The following FTCDNL1 variants were observed in gnomAD, a reference collection of about 807,000 sequenced individuals.
FTCDNL1 encodes formiminotransferase cyclodeaminase N-terminal like, also known as formiminotransferase N-terminal subdomain-containing protein.
In FTCDNL1, 11 loss-of-function variants were observed where a neutral mutation model predicts 5.9. That is an observed-to-expected ratio of 1.87 (90% CI 1.18 to 3.10). The LOEUF is 3.10. Among genes scored for constraint, FTCDNL1 ranks in the 30% most tolerant of loss-of-function variants. The pLI, the probability that FTCDNL1 is intolerant of heterozygous loss-of-function variation, is 0.00. For synonymous variants in FTCDNL1, 58 were observed against 24.8 expected (o/e 2.34, Z -3.99); for missense variants, 115 against 65.5 (o/e 1.76, Z -2.61).
rs74736255 is a variant in FTCDNL1, at chr2:199,800,869, A to G, written c.212-40034T>C. Among the ~76,000 whole-genome samples, 595 of 152,352 alleles carry G rather than the reference A, an allele frequency of 3.9e-3. 4 individuals are homozygous for G. The highest frequency in any genetic ancestry group is 0.014 in the African/African-American group (565 of 41,594). On this transcript the variant is annotated intron_variant, in intron 3 of 3. Coordinates refer to the FTCDNL1 transcript ENST00000416668. ...CTGTTTCCTATGATTATCACAAAAA[A>G]TGAAATAATCTGGTGTCCTTATAAT... is the stretch of plus-strand genomic sequence containing the variant.
chr2:199,811,009 G>A lies in FTCDNL1; in HGVS notation c.*1696C>T, dbSNP rs181795050. Among the ~76,000 whole-genome samples, 15 of 152,172 alleles carry A rather than the reference G, an allele frequency of 9.9e-5. No homozygotes were observed. The highest frequency in any genetic ancestry group is 1.9e-4 in the East Asian group (1 of 5,186). The stretch of plus-strand genomic sequence containing the variant: ...GATGTTTTACAGAAAATCAGCACAC[G>A]GAAACCACATTTCATCTTTTTCCCA... On this transcript the variant is annotated 3_prime_UTR_variant, in exon 5 of 5. Coordinates refer to ENST00000420128, the MANE Select transcript of FTCDNL1 (RefSeq NM_001363886.2).
At chr2:199,805,670 C>T (rs766040407), downstream of FTCDNL1, among the ~76,000 whole-genome samples, 2 of 152,002 alleles carry the variant, frequency 1.3e-5, no homozygotes, top group Non-Finnish European at 2.9e-5. Flanking sequence ...ACCCAAGAGA[C>T]GAAGGTTGCA....
the FTCDNL1 span, among the ~76,000 whole-genome samples, chr2:199,683,366 C>T: frequency 6.6e-6 from 1 of 152,124 alleles, no homozygotes; most frequent in Non-Finnish European, 1.5e-5. Flanking sequence ...ACTGCTTACA[C>T]ATGCTACAAA....
At chr2:199,676,532 A>C in the FTCDNL1 span, among the ~76,000 whole-genome samples, 1 of 151,986 alleles carries the variant, frequency 6.6e-6, no homozygotes, top group African/African-American at 2.4e-5. Flanking sequence ...ATTTACACTT[A>C]TTTATCAATA....
chr2:199,693,010 G>C, the FTCDNL1 span, among the ~76,000 whole-genome samples: 1 of 152,090 alleles, frequency 6.6e-6, no homozygotes, highest in Non-Finnish European at 1.5e-5. Flanking sequence ...TTTGTATTAG[G>C]GTCTGAACCA....
downstream of FTCDNL1, among the ~76,000 whole-genome samples, chr2:199,804,368 A>G (rs190065281): frequency 4.3e-4 from 66 of 152,364 alleles, no homozygotes; most frequent in African/African-American, 1.6e-3. Context: ...CATGGCAGGT[A>G]AAGATGGCTA....
At chr2:199,722,038 A>G in the FTCDNL1 span, among the ~76,000 whole-genome samples, 6 of 152,198 alleles carry the variant, frequency 3.9e-5, no homozygotes, top group Non-Finnish European at 8.8e-5. Flanking sequence ...CCTTTGTCAG[A>G]TGGATAGACT....
chr2:199,705,079 CAGA>C, the FTCDNL1 span, among the ~76,000 whole-genome samples: 1 of 152,162 alleles, frequency 6.6e-6, no homozygotes, highest in Admixed American at 6.5e-5. Context: ...AGAGGCCAGT[CAGA>C]AGGTCACACA....
chr2:199,714,077 T>A, the FTCDNL1 span, among the ~76,000 whole-genome samples: 2 of 152,198 alleles, frequency 1.3e-5, no homozygotes, highest in Non-Finnish European at 2.9e-5. Flanking sequence ...TTCAAAAGTC[T>A]GAAGGAAAAC....
chr2:199,677,744 T>C, the FTCDNL1 span, among the ~76,000 whole-genome samples: 1 of 152,164 alleles, frequency 6.6e-6, no homozygotes, highest in African/African-American at 2.4e-5. Context: ...CTAAGAAAAT[T>C]GTCAGAATCG....
At chr2:199,798,627 C>T (rs1031330055) in intron 3 of FTCDNL1, among the ~76,000 whole-genome samples, 9 of 152,172 alleles carry the variant, frequency 5.9e-5, no homozygotes, top group African/African-American at 2.2e-4. Flanking sequence ...CATTCCACCA[C>T]GTGAGCGGCA....
At chr2:199,772,594 A>G (rs974165826) in intron 3 of FTCDNL1, among the ~76,000 whole-genome samples, 1 of 152,258 alleles carries the variant, frequency 6.6e-6, no homozygotes. Context: ...CCACCCTCTG[A>G]AGCACGTGTC....
In FTCDNL1 at chr2:199,817,029, A is replaced by G. The variant is rs560382612; in HGVS notation, c.397+2543T>C. Reference sequence around the variant, plus strand: ...ACTAATTTAACTGTAAATTCTCTCTACATTAGATTGCATTTTCTATGTCTC... The same window carrying G: ...ACTAATTTAACTGTAAATTCTCTCTGCATTAGATTGCATTTTCTATGTCTC... On this transcript the variant is annotated intron_variant, in intron 4 of 4. Coordinates refer to ENST00000420128, the MANE Select transcript of FTCDNL1 (RefSeq NM_001363886.2). 3.3e-5 allele frequency among the ~76,000 whole-genome samples: 5 copies of G among 152,296 alleles called. No individual in the cohort carries two copies. In the South Asian group the frequency reaches 1.0e-3, roughly 32 times the overall value.
the FTCDNL1 span, among the ~76,000 whole-genome samples, chr2:199,691,277 A>C: frequency 8.5e-3 from 1,297 of 152,294 alleles, 23 homozygotes; most frequent in African/African-American, 0.028. Flanking sequence ...GGTTCAAGTG[A>C]TTCTCCTGCC....
chr2:199,761,722 C>G (rs1347198558), intron 3 of FTCDNL1, among the ~76,000 whole-genome samples: 3 of 152,134 alleles, frequency 2.0e-5, no homozygotes, highest in Non-Finnish European at 4.4e-5. Flanking sequence ...CCACTACACC[C>G]CAGCCATGCT....
At chr2:199,785,401 A>G (rs1219414807) in intron 3 of FTCDNL1, 1 of 151,394 alleles carries the variant, frequency 6.6e-6, no homozygotes, top group East Asian at 1.9e-4. Context: ...GGTGCCCGCC[A>G]CCACTCCCAG....
downstream of FTCDNL1, among the ~76,000 whole-genome samples, chr2:199,759,435 G>C (rs1315587980): frequency 6.6e-6 from 1 of 151,844 alleles, no homozygotes; most frequent in Non-Finnish European, 1.5e-5. Context: ...TGTTACCTTG[G>C]GAGTCCCAGC....
chr2:199,708,046 T>C, the FTCDNL1 span, among the ~76,000 whole-genome samples: 1 of 152,102 alleles, frequency 6.6e-6, no homozygotes, highest in Non-Finnish European at 1.5e-5. Context: ...TCCTCTTAGA[T>C]TCCAAATACA....
At chr2:199,847,452 T>C (rs1245698468) in intron 2 of FTCDNL1, among the ~76,000 whole-genome samples, 1 of 152,166 alleles carries the variant, frequency 6.6e-6, no homozygotes, top group Non-Finnish European at 1.5e-5. Flanking sequence ...TCCTAAATCT[T>C]CTCCTGAAAA....
Sources: gnomAD v4.1 joint callset for allele counts (sites outside exome capture counted in the v4.1 genomes callset) on GRCh38, gnomAD v4.1.1 for gene constraint, MANE v1.5 for transcripts, NCBI Gene and HGNC (gene_info 2026-07-23, HGNC 2026-07-21) for gene names.